Variants in GRK4 observed in about 807,000 individuals in gnomAD.
GRK4 encodes G protein-coupled receptor kinase 4.
Under a neutral mutation model 77.9 loss-of-function variants are expected in GRK4, and 73 were observed. That is an observed-to-expected ratio of 0.94 (90% CI 0.78 to 1.14). The LOEUF is 1.14. Ranked by LOEUF, GRK4 falls within the 50% of genes most tolerant of loss-of-function variation. GRK4 has a pLI of 0.00. For missense variants in GRK4, 729 were observed against 700.2 expected, an observed-to-expected ratio of 1.04 and a Z score of -0.46; for synonymous variants, 257 against 254.4, an observed-to-expected ratio of 1.01 and a Z score of -0.10.
intron 4 of GRK4, among the ~76,000 whole-genome samples, chr4:2,995,118 C>CT (rs992151999): frequency 1.3e-5 from 2 of 152,164 alleles, no homozygotes; most frequent in Non-Finnish European, 2.9e-5. Flanking sequence ...TGATCGTTCT[C>CT]TTTTTTACGG....
chr4:3,020,265 A>G (rs779744752), intron 9 of GRK4, among the ~76,000 whole-genome samples: 76 of 152,262 alleles, frequency 5.0e-4, no homozygotes, highest in Non-Finnish European at 9.4e-4. Context: ...CTCAGCCTCC[A>G]AAAGTGCTGG....
intron 2 of GRK4, chr4:2,987,099 T>TA (rs1164093819): frequency 1.9e-6 from 1 of 516,606 alleles, no homozygotes; most frequent in South Asian, 1.4e-5. Context: ...CACCCATTGA[T>TA]AGCCACTCCT....
chr4:2,983,432 G>A lies in GRK4; in HGVS notation c.53-1081G>A, dbSNP rs767765270. ...GCTCATTTCTCTGAGTTGAATTAAA[G>A]AAAAAATGGTGCTTGTTTAAAAGAT... On this transcript the variant is annotated intron_variant, in intron 1 of 15. Coordinates refer to ENST00000398052, the MANE Select transcript of GRK4 (RefSeq NM_182982.3). Among the ~76,000 whole-genome samples, 51 of 152,088 alleles carry A rather than the reference G, an allele frequency of 3.4e-4. 1 individual carries two copies. Among genetic ancestry groups the A allele is most frequent in the Non-Finnish European group, 6.9e-4 (47 of 67,982 alleles).
intron 1 of GRK4, among the ~76,000 whole-genome samples, chr4:2,970,099 T>C (rs1374487847): frequency 1.3e-5 from 2 of 152,242 alleles, no homozygotes; most frequent in Non-Finnish European, 2.9e-5. Context: ...ATTATTTCTC[T>C]GCCAACAAAA....
intron 3 of GRK4, among the ~76,000 whole-genome samples, chr4:2,991,165 G>A (rs558056329): frequency 3.3e-5 from 5 of 152,296 alleles, no homozygotes; most frequent in South Asian, 2.1e-4. Context: ...AGGGCGGACC[G>A]TCAGAAGGGG....
intron 12 of GRK4, 131 bp downstream of exon 12, chr4:3,029,540 G>T: frequency 1.4e-6 from 1 of 697,276 alleles, no homozygotes; most frequent in Non-Finnish European, 2.4e-6. Context: ...CCCAGGCCCT[G>T]CCCCTGCCCC....
In GRK4 at chr4:3,029,375, A is replaced by C. The variant is rs775206582; in HGVS notation, c.1235A>C (p.Lys412Thr). The C allele has an allele frequency of 6.2e-7, 1 of 1,614,190 alleles. No individual in the cohort carries two copies. The highest frequency in any genetic ancestry group is 8.5e-7 in the Non-Finnish European group (1 of 1,180,016). The change falls in exon 12 of 16, where the codon AAG becomes ACG. Residue 412 changes from lysine to threonine, a missense_variant. Lys to Thr is a moderately conservative substitution (Grantham distance 78, BLOSUM62 -1). Coordinates refer to ENST00000398052, the MANE Select transcript of GRK4 (RefSeq NM_182982.3). Reference sequence around the variant, plus strand: ...AATGATACCGAGGAGTATTCTGAGAAGTTTTCAGAGGATGCCAAATCTATC... The same window carrying C: ...AATGATACCGAGGAGTATTCTGAGACGTTTTCAGAGGATGCCAAATCTATC... ...IKNDTEEYSE[K>T]FSEDAKSICR... is the part of the protein sequence containing the mutation.
Position 3,038,479 on chromosome 4 carries a change from A to AC in GRK4, c.1650dup (p.Arg551GlnfsTer6), listed in dbSNP as rs745333769. The AC allele has an allele frequency of 1.2e-6, 2 of 1,614,102 alleles. No individual in the cohort carries two copies. Among genetic ancestry groups the AC allele is most frequent in the South Asian group, 2.2e-5 (2 of 91,082 alleles). ...ATACATACCCCGGTTTCCAGACCAA[A>AC]CAGAGGCTTCTTCTATAGACTCTTC... On this transcript the variant is annotated frameshift_variant, in exon 15 of 16. Transcript: ENST00000398052. LOFTEE classifies it low-confidence loss of function (END_TRUNC).
intron 4 of GRK4, among the ~76,000 whole-genome samples, chr4:3,003,733 TGTTTG>T (rs987731274): frequency 6.6e-6 from 1 of 152,078 alleles, no homozygotes; most frequent in African/African-American, 2.4e-5. Flanking sequence ...TGTGTTTTTT[TGTTTG>T]GTTTGGTTTG....
intron 1 of GRK4, among the ~76,000 whole-genome samples, chr4:2,978,988 G>C (rs1211080523): frequency 6.6e-6 from 1 of 151,970 alleles, no homozygotes; most frequent in African/African-American, 2.4e-5. Flanking sequence ...CCAGCACTTT[G>C]GGAGGCCAAG....
intron 4 of GRK4, among the ~76,000 whole-genome samples, chr4:3,003,338 T>C (rs1368640371): frequency 6.6e-6 from 1 of 151,924 alleles, no homozygotes; most frequent in Non-Finnish European, 1.5e-5. Context: ...TACAGGTGCC[T>C]GCCACCACGC....
chr4:2,971,567 C>A (rs1013640685), intron 1 of GRK4, among the ~76,000 whole-genome samples: 7 of 152,156 alleles, frequency 4.6e-5, no homozygotes, highest in Admixed American at 6.6e-5. Context: ...GGAAAAGAAA[C>A]TTGGCAGGAA....
At chr4:2,978,727 T>C (rs779156266) in intron 1 of GRK4, among the ~76,000 whole-genome samples, 19 of 151,320 alleles carry the variant, frequency 1.3e-4, no homozygotes, top group African/African-American at 4.4e-4. Context: ...GGAGGGTCGA[T>C]TGGGCCCAGG....
At chr4:2,999,785 ACTT>A (rs1280205998) in intron 4 of GRK4, among the ~76,000 whole-genome samples, 1 of 152,176 alleles carries the variant, frequency 6.6e-6, no homozygotes, top group Non-Finnish European at 1.5e-5. Context: ...GATAAACTGA[ACTT>A]CATCAAAATT....
chr4:3,030,220 C>T (rs1047393879), intron 12 of GRK4, among the ~76,000 whole-genome samples: 28 of 152,056 alleles, frequency 1.8e-4, no homozygotes, highest in African/African-American at 2.9e-4. Context: ...CTGAGGCTGA[C>T]GGTGGCACCC....
intron 13 of GRK4, 134 bp from the exon 14 acceptor site, chr4:3,037,240 C>A: frequency 2.3e-6 from 2 of 864,968 alleles, no homozygotes; most frequent in Admixed American, 2.3e-5. Context: ...GTGAGAGGGG[C>A]CTGGCAAAAG....
intron 4 of GRK4, 107 bp downstream of exon 4, chr4:2,992,399 G>T: frequency 1.4e-6 from 1 of 719,616 alleles, no homozygotes; most frequent in Non-Finnish European, 2.3e-6. Context: ...CTTTAATTTG[G>T]CTGGGTGTGA....
chr4:3,014,534 C>T (rs1733900586), intron 8 of GRK4, among the ~76,000 whole-genome samples: 1 of 151,942 alleles, frequency 6.6e-6, no homozygotes, highest in Non-Finnish European at 1.5e-5. Flanking sequence ...TGGCTCACAC[C>T]TGTAATCCCA....
chr4:3,013,855 G>C, intron 8 of GRK4, 27 bp downstream of exon 8: 1 of 1,586,286 alleles, frequency 6.3e-7, no homozygotes, highest in African/African-American at 1.4e-5. Context: ...AGTCTTCACT[G>C]TGCATTGTTT....
Sources: gnomAD v4.1 joint callset for allele counts (sites outside exome capture counted in the v4.1 genomes callset) on GRCh38, gnomAD v4.1.1 for gene constraint, MANE v1.5 for transcripts, NCBI Gene and HGNC (gene_info 2026-07-23, HGNC 2026-07-21) for gene names.